The following MEGF11 variants were observed in gnomAD, a reference collection of about 807,000 sequenced individuals.
MEGF11 encodes multiple epidermal growth factor-like domains protein 11.
A neutral mutation model predicts 146.6 loss-of-function variants in MEGF11; 126 were observed. That is an observed-to-expected ratio of 0.86 (90% CI 0.74 to 1.00). MEGF11 has a LOEUF of 1.00. Among genes scored for constraint, MEGF11 ranks in the 50% least tolerant of loss-of-function variants. MEGF11 has a pLI of 0.00. For synonymous variants in MEGF11, 532 were observed against 583.4 expected, an observed-to-expected ratio of 0.91 and a Z score of 1.27; for missense variants, 1,509 against 1,521.2, an observed-to-expected ratio of 0.99 and a Z score of 0.13.
chr15:66,231,250 A>G (rs762766445), intron 1 of MEGF11, among the ~76,000 whole-genome samples: 3 of 151,830 alleles, frequency 2.0e-5, no homozygotes, highest in Non-Finnish European at 4.4e-5. Flanking sequence ...CCAAGGCAGG[A>G]CTTTCCAGAA....
intron 1 of MEGF11, among the ~76,000 whole-genome samples, chr15:66,136,706 A>G (rs2088903459): frequency 6.6e-6 from 1 of 152,254 alleles, no homozygotes; most frequent in Non-Finnish European, 1.5e-5. Flanking sequence ...GACAGGTTCA[A>G]GAACGTTTGT....
At chr15:66,105,003 A>G (rs1395357236) in intron 4 of MEGF11, among the ~76,000 whole-genome samples, 1 of 152,136 alleles carries the variant, frequency 6.6e-6, no homozygotes, top group Non-Finnish European at 1.5e-5. Flanking sequence ...CTGTCCCATC[A>G]GGGACCAGAT....
chr15:66,070,953 G>T (rs1792234702), intron 5 of MEGF11, among the ~76,000 whole-genome samples: 1 of 151,946 alleles, frequency 6.6e-6, no homozygotes, highest in Admixed American at 6.5e-5. Context: ...AGAAAACTAT[G>T]TATTAATCTC....
chr15:65,907,590 C>T (rs893449717), intron 23 of MEGF11, among the ~76,000 whole-genome samples: 12 of 152,222 alleles, frequency 7.9e-5, no homozygotes, highest in African/African-American at 2.9e-4. Flanking sequence ...CCACCGTACC[C>T]AGCCTCAAAT....
intron 4 of MEGF11, among the ~76,000 whole-genome samples, chr15:66,098,742 C>T (rs759951164): frequency 1.1e-4 from 16 of 152,212 alleles, no homozygotes; most frequent in Non-Finnish European, 1.8e-4. Context: ...CCTACATCCA[C>T]GTGGACCCAA....
chr15:65,900,669 A>G (rs1016066609), intron 24 of MEGF11, among the ~76,000 whole-genome samples: 1 of 152,216 alleles, frequency 6.6e-6, no homozygotes. Context: ...TATGAGATTT[A>G]GAGTGGAAAT....
intron 1 of MEGF11, among the ~76,000 whole-genome samples, chr15:66,227,197 G>A (rs993317605): frequency 2.0e-5 from 3 of 152,206 alleles, no homozygotes; most frequent in Admixed American, 2.0e-4. Context: ...CGTGGAGGAT[G>A]CCTTCCTCCA....
chr15:66,005,719 C>A (rs531440045), intron 5 of MEGF11, among the ~76,000 whole-genome samples: 2 of 152,030 alleles, frequency 1.3e-5, no homozygotes, highest in Non-Finnish European at 2.9e-5. Context: ...GATGTCACAG[C>A]GTTCATACTC....
chr15:66,098,104 C>T (rs1010011264), intron 4 of MEGF11, among the ~76,000 whole-genome samples: 2 of 152,200 alleles, frequency 1.3e-5, no homozygotes, highest in African/African-American at 4.8e-5. Context: ...CAGGATAGAG[C>T]TTGGCCCGGG....
intron 1 of MEGF11, among the ~76,000 whole-genome samples, chr15:66,181,672 T>C (rs1239185423): frequency 6.6e-6 from 1 of 152,230 alleles, no homozygotes; most frequent in Non-Finnish European, 1.5e-5. Flanking sequence ...CTGTGGAAAG[T>C]TAGCTGCAGT....
At chr15:66,156,614 T>C (rs2089768949) in intron 1 of MEGF11, among the ~76,000 whole-genome samples, 1 of 151,834 alleles carries the variant, frequency 6.6e-6, no homozygotes, top group Admixed American at 6.6e-5. Flanking sequence ...TGCCAGCCCC[T>C]TGGTTTGGAG....
chr15:65,912,035 A>T, intron 21 of MEGF11, 47 bp downstream of exon 21: 1 of 1,088,894 alleles, frequency 9.2e-7, no homozygotes. Context: ...GGTGAGGGTT[A>T]AATGAGAGGG....
At chr15:66,149,488 T>G (rs2089486139) in intron 1 of MEGF11, among the ~76,000 whole-genome samples, 2 of 152,178 alleles carry the variant, frequency 1.3e-5, no homozygotes, top group Non-Finnish European at 2.9e-5. Flanking sequence ...TTATTGGTGG[T>G]GGTGTCCATG....
intron 1 of MEGF11, among the ~76,000 whole-genome samples, chr15:66,134,740 T>A (rs533545687): frequency 3.3e-5 from 5 of 152,320 alleles, no homozygotes; most frequent in Non-Finnish European, 1.5e-5. Flanking sequence ...GAGGGAGCCC[T>A]CGAGAATCCC....
chr15:66,018,477 A>C (rs1251328168), intron 5 of MEGF11, among the ~76,000 whole-genome samples: 2 of 152,344 alleles, frequency 1.3e-5, no homozygotes, highest in South Asian at 2.1e-4. Context: ...TGTGCAGTGC[A>C]TGAAGAGTAA....
In MEGF11 at chr15:66,239,676, C is replaced by T. The variant is rs1385580574; in HGVS notation, c.-9+13929G>A. Among the ~76,000 whole-genome samples the T allele has an allele frequency of 2.6e-5, 4 of 152,242 alleles. No homozygotes were observed. In the South Asian group the frequency reaches 8.3e-4, roughly 32 times the overall value. ...GCTCTGGCACAGCCTGCACTGCACACTCCTCAGAAGCCAGAGCAGCTTCCG... is the reference window on the plus strand; with the variant it reads ...GCTCTGGCACAGCCTGCACTGCACATTCCTCAGAAGCCAGAGCAGCTTCCG... On this transcript the variant is annotated intron_variant, in intron 1 of 25. Transcript: ENST00000395614.
At chr15:66,237,329 C>CA (rs963324835) in intron 1 of MEGF11, among the ~76,000 whole-genome samples, 4 of 151,942 alleles carry the variant, frequency 2.6e-5, no homozygotes, top group African/African-American at 9.7e-5. Context: ...ACTCACTCCC[C>CA]CCAACAAAAG....
At chr15:65,928,592 T>C (rs924909876) in intron 12 of MEGF11, 65 bp from the exon 13 acceptor site, 6 of 1,133,918 alleles carry the variant, frequency 5.3e-6, no homozygotes, top group Admixed American at 4.6e-5. Flanking sequence ...TGTACTTCTA[T>C]GGATCTTTTC....
intron 5 of MEGF11, among the ~76,000 whole-genome samples, chr15:66,002,228 G>A (rs1241203163): frequency 6.6e-6 from 1 of 152,192 alleles, no homozygotes; most frequent in Non-Finnish European, 1.5e-5. Context: ...GGATTTCAAG[G>A]CAAAGTTAAC....
Sources: gnomAD v4.1 joint callset for allele counts (sites outside exome capture counted in the v4.1 genomes callset) on GRCh38, gnomAD v4.1.1 for gene constraint, MANE v1.5 for transcripts, NCBI Gene and HGNC (gene_info 2026-07-23, HGNC 2026-07-21) for gene names.